MBD5: variants seen among roughly 807,000 people sequenced by gnomAD.
MBD5 encodes methyl-CpG-binding domain protein 5.
MBD5 carries 13 observed loss-of-function variants against 117.3 expected under a neutral mutation model. The observed-to-expected ratio is 0.11, with a 90% CI of 0.07 to 0.18. MBD5 has a LOEUF of 0.18. MBD5 is among the 10% of genes least tolerant of loss of function. MBD5 has a pLI of 1.00. For synonymous variants in MBD5, 727 were observed against 766.4 expected (o/e 0.95, Z 0.85); for missense variants, 1,879 against 2,093.8 (o/e 0.90, Z 2.00).
chr2:148,028,292 G>A (rs1203640946), intron 1 of MBD5: 1 of 151,982 alleles, frequency 6.6e-6, no homozygotes, highest in African/African-American at 2.4e-5. Context: ...GTACACATAT[G>A]CTTCACTGAA....
At position 148,184,699 on chromosome 2, in the gene MBD5, C is replaced by T. The variant is rs1464221009; in HGVS notation, c.-831+5906C>T. 2.0e-5 allele frequency among the ~76,000 whole-genome samples: 3 copies of T among 152,124 alleles called. No homozygotes were observed. In the East Asian group the frequency reaches 5.8e-4, roughly 29 times the overall value. Reference sequence around the variant, plus strand: ...GAAAACAGTTGTGCTTCTTCAATGTCTTGATATGTTGACCTGTAAGGTAAT... The same window carrying T: ...GAAAACAGTTGTGCTTCTTCAATGTTTTGATATGTTGACCTGTAAGGTAAT... On this transcript the variant is annotated intron_variant, in intron 2 of 13. Coordinates refer to ENST00000642680, the MANE Select transcript of MBD5 (RefSeq NM_001378120.1).
chr2:148,045,974 C>CTTT (rs59672002), intron 1 of MBD5, among the ~76,000 whole-genome samples: 12 of 77,480 alleles, frequency 1.5e-4, no homozygotes, highest in East Asian at 4.2e-4. Context: ...AATGAAGTGC[C>CTTT]TTTTTTTTTT....
At chr2:148,113,738 TTAACA>T (rs1050404997) in intron 1 of MBD5, among the ~76,000 whole-genome samples, 1 of 152,214 alleles carries the variant, frequency 6.6e-6, no homozygotes, top group Non-Finnish European at 1.5e-5. Context: ...TACTAAGTGG[TTAACA>T]TAACACACAA....
intron 4 of MBD5, among the ~76,000 whole-genome samples, chr2:148,359,137 C>G (rs1703459967): frequency 6.6e-6 from 1 of 151,942 alleles, no homozygotes; most frequent in African/African-American, 2.4e-5. Flanking sequence ...TGGCACCCTG[C>G]ACGCCTGTAG....
At chr2:148,103,660 T>C (rs1001007897) in intron 1 of MBD5, among the ~76,000 whole-genome samples, 1 of 152,038 alleles carries the variant, frequency 6.6e-6, no homozygotes, top group Non-Finnish European at 1.5e-5. Context: ...CCATCATAGA[T>C]CCCCTGGATT....
At chr2:148,349,650 AG>A (rs1161141431) in intron 4 of MBD5, among the ~76,000 whole-genome samples, 2 of 152,032 alleles carry the variant, frequency 1.3e-5, no homozygotes, top group African/African-American at 4.8e-5. Context: ...AAGACTTCAG[AG>A]CTTTCAAAAT....
At chr2:148,056,414 G>A (rs2105794008) in intron 1 of MBD5, among the ~76,000 whole-genome samples, 1 of 152,028 alleles carries the variant, frequency 6.6e-6, no homozygotes, top group South Asian at 2.1e-4. Context: ...AGTCATAAAA[G>A]GAATACGTTC....
rs189075041 is a variant in MBD5, at chr2:148,286,244, T to C, written c.-680+52849T>C. Among the ~76,000 whole-genome samples the C allele has an allele frequency of 6.3e-4, 96 of 152,370 alleles. 3 individuals carry two copies. The highest frequency in any genetic ancestry group is 5.3e-3 in the Admixed American group (81 of 15,312). On this transcript the variant is annotated intron_variant, in intron 3 of 13. Coordinates refer to ENST00000642680, the MANE Select transcript of MBD5 (RefSeq NM_001378120.1). ...TTACTGATTTTTATTACTTTCTGAA[T>C]GATTCTTGCTTTTTATCATCTGATA...
At chr2:148,356,365 C>T (rs1241077034) in intron 4 of MBD5, among the ~76,000 whole-genome samples, 2 of 151,960 alleles carry the variant, frequency 1.3e-5, no homozygotes, top group Admixed American at 1.3e-4. Context: ...TTTTTTTCTT[C>T]ATAGCTCACG....
At chr2:148,438,345 A>G (rs1706215932) in intron 4 of MBD5, among the ~76,000 whole-genome samples, 1 of 152,220 alleles carries the variant, frequency 6.6e-6, no homozygotes, top group Non-Finnish European at 1.5e-5. Flanking sequence ...AAATGCTGTC[A>G]CTTGAAACTC....
At chr2:148,345,017 T>A (rs1014910751) in intron 4 of MBD5, among the ~76,000 whole-genome samples, 2 of 151,828 alleles carry the variant, frequency 1.3e-5, no homozygotes, top group African/African-American at 4.8e-5. Context: ...TGTCCTAGTG[T>A]ATAGTATTAC....
intron 8 of MBD5, among the ~76,000 whole-genome samples, chr2:148,475,732 C>T (rs1364161851): frequency 6.6e-6 from 1 of 152,126 alleles, no homozygotes; most frequent in Admixed American, 6.6e-5. Flanking sequence ...AACATTTACA[C>T]AGTTGCAAAA....
Position 148,133,533 on chromosome 2 carries a change from A to T in MBD5, c.-924-45167A>T, listed in dbSNP as rs912222866. Among the ~76,000 whole-genome samples the T allele has an allele frequency of 3.3e-5, 5 of 152,144 alleles. No individual in the cohort carries two copies. The East Asian group carries it at 9.6e-4, about 29-fold the overall frequency. On this transcript the variant is annotated intron_variant, in intron 1 of 13. Coordinates refer to ENST00000642680, the MANE Select transcript of MBD5 (RefSeq NM_001378120.1). Reference sequence around the variant, plus strand: ...ATAGAAAATAGTATGTTTAAATAAAACCATACTAGGCCGGGCACAGTGGCT... The same window carrying T: ...ATAGAAAATAGTATGTTTAAATAAATCCATACTAGGCCGGGCACAGTGGCT...
intron 4 of MBD5, among the ~76,000 whole-genome samples, chr2:148,416,572 C>T (rs1705425666): frequency 6.6e-6 from 1 of 152,148 alleles, no homozygotes; most frequent in Admixed American, 6.5e-5. Flanking sequence ...GTCAAATTAA[C>T]TAGTCTTTTG....
chr2:148,362,345 C>T (rs1354420619), intron 4 of MBD5, among the ~76,000 whole-genome samples: 1 of 152,178 alleles, frequency 6.6e-6, no homozygotes, highest in Non-Finnish European at 1.5e-5. Context: ...CGATTTTCCC[C>T]TCACAGTGTA....
chr2:148,096,028 A>T (rs1409904123), intron 1 of MBD5, among the ~76,000 whole-genome samples: 6 of 152,218 alleles, frequency 3.9e-5, no homozygotes, highest in Non-Finnish European at 5.9e-5. Context: ...TGTAATATTT[A>T]CATTTTTCCA....
intron 3 of MBD5, among the ~76,000 whole-genome samples, chr2:148,283,911 A>T (rs1701308244): frequency 6.6e-6 from 1 of 152,218 alleles, no homozygotes; most frequent in South Asian, 2.1e-4. Context: ...CAATATTAGA[A>T]GGTATACACT....
At chr2:148,099,436 A>G (rs995674855) in intron 1 of MBD5, among the ~76,000 whole-genome samples, 2 of 152,190 alleles carry the variant, frequency 1.3e-5, no homozygotes, top group African/African-American at 2.4e-5. Context: ...GGAAAAAAGC[A>G]ATTAGTACTG....
intron 7 of MBD5, among the ~76,000 whole-genome samples, chr2:148,464,949 G>T (rs1472801193): frequency 6.6e-6 from 1 of 151,560 alleles, no homozygotes; most frequent in African/African-American, 2.4e-5. Context: ...CAACCTGAGT[G>T]ATAGAGCAAA....
Sources: gnomAD v4.1 joint callset for allele counts (sites outside exome capture counted in the v4.1 genomes callset) on GRCh38, gnomAD v4.1.1 for gene constraint, MANE v1.5 for transcripts, NCBI Gene and HGNC (gene_info 2026-07-23, HGNC 2026-07-21) for gene names.